The following OPCML variants were observed in gnomAD, a reference collection of about 807,000 sequenced individuals.
OPCML encodes opioid binding protein/cell adhesion molecule like.
A neutral mutation model predicts 37.8 loss-of-function variants in OPCML; 13 were observed. The ratio of observed to expected loss-of-function variants is 0.34; its 90% CI spans 0.22 to 0.55. The LOEUF (loss-of-function observed/expected upper bound fraction) is 0.55. OPCML is among the 20% of genes least tolerant of loss of function. OPCML has a pLI of 0.91. For missense variants in OPCML, 341 were observed against 435.6 expected (o/e 0.78, Z 1.93); for synonymous variants, 176 against 168.8 (o/e 1.04, Z -0.33).
At chr11:132,892,457 C>T (rs184931651) in intron 2 of OPCML, among the ~76,000 whole-genome samples, 5 of 152,146 alleles carry the variant, frequency 3.3e-5, no homozygotes, top group African/African-American at 1.2e-4. Context: ...GAGAGAGGCC[C>T]TTTCTCGCTT....
chr11:133,419,873 A>C (rs2136890591), intron 1 of OPCML, among the ~76,000 whole-genome samples: 1 of 152,366 alleles, frequency 6.6e-6, no homozygotes, highest in East Asian at 1.9e-4. Context: ...TCAGCAAAGA[A>C]GTTACTCAGT....
rs2095945439 is a variant in OPCML, at chr11:132,418,273, T to C, written c.*1920A>G. On this transcript the variant is annotated 3_prime_UTR_variant, in exon 8 of 8. Transcript: ENST00000524381. ...GGCAGGTCTGCGATTGATGCTGCAT[T>C]CTCATCCTCTCTGTGGATCAGTCCC... The C allele has an allele frequency of 6.6e-6, 1 of 152,192 alleles. No homozygotes were observed. Among genetic ancestry groups the C allele is most frequent in the Non-Finnish European group, 1.5e-5 (1 of 68,044 alleles). 9.4% of individuals were successfully genotyped at this position (152,192 alleles called of 1,614,324 possible).
At chr11:132,987,586 T>C (rs1188125497) in intron 1 of OPCML, among the ~76,000 whole-genome samples, 4 of 152,162 alleles carry the variant, frequency 2.6e-5, no homozygotes, top group Non-Finnish European at 4.4e-5. Flanking sequence ...ATCAGATTTG[T>C]GATTTCAAAT....
At chr11:133,075,134 C>T (rs1479674214) in intron 1 of OPCML, among the ~76,000 whole-genome samples, 2 of 152,138 alleles carry the variant, frequency 1.3e-5, no homozygotes, top group Admixed American at 6.5e-5. Flanking sequence ...AGACAAGGCT[C>T]ACCTCCTCCC....
chr11:132,467,603 A>C (rs1565586751), intron 4 of OPCML, among the ~76,000 whole-genome samples: 1 of 152,180 alleles, frequency 6.6e-6, no homozygotes, highest in Non-Finnish European at 1.5e-5. Context: ...GCTGTCATTT[A>C]AAAGGCTGGC....
At chr11:132,434,066 C>A (rs989366770) in intron 7 of OPCML, among the ~76,000 whole-genome samples, 1 of 152,140 alleles carries the variant, frequency 6.6e-6, no homozygotes. Context: ...CAGTCCTGTG[C>A]CCTTCTCTGC....
rs577817785 is a variant in OPCML, at chr11:132,616,310, G to A, written c.379+40777C>T. ...GGTTAAACTAATGCACACACTGTTA[G>A]TAAAATGTATAGCTGGCACTATTAA... is the stretch of plus-strand genomic sequence containing the variant. On this transcript the variant is annotated intron_variant, in intron 3 of 7. Coordinates refer to ENST00000524381, the MANE Select transcript of OPCML (RefSeq NM_001012393.5). Among the ~76,000 whole-genome samples the A allele has an allele frequency of 2.6e-5, 4 of 152,274 alleles. No individual in the cohort carries two copies. The East Asian group carries it at 7.7e-4, about 29-fold the overall frequency.
At chr11:132,704,858 T>G (rs1280694550) in intron 2 of OPCML, among the ~76,000 whole-genome samples, 2 of 152,250 alleles carry the variant, frequency 1.3e-5, no homozygotes, top group Non-Finnish European at 2.9e-5. Context: ...TAAGCCTTTA[T>G]AATTGACTTA....
chr11:133,180,814 G>A (rs1199771392), intron 1 of OPCML, among the ~76,000 whole-genome samples: 2 of 145,832 alleles, frequency 1.4e-5, no homozygotes, highest in Non-Finnish European at 3.0e-5. Flanking sequence ...CTAAGATTGT[G>A]GAGACAGCGA....
At chr11:133,175,116 A>T (rs1313416739) in intron 1 of OPCML, among the ~76,000 whole-genome samples, 1 of 152,200 alleles carries the variant, frequency 6.6e-6, no homozygotes, top group East Asian at 1.9e-4. Context: ...TTAGCCACAA[A>T]CTCAGTCACA....
At chr11:133,329,198 G>A (rs906036024) in intron 1 of OPCML, among the ~76,000 whole-genome samples, 1 of 152,174 alleles carries the variant, frequency 6.6e-6, no homozygotes, top group Non-Finnish European at 1.5e-5. Context: ...ACAAACAAAT[G>A]GAAGAACATT....
intron 2 of OPCML, among the ~76,000 whole-genome samples, chr11:132,823,860 C>A (rs1045763838): frequency 6.6e-6 from 1 of 152,152 alleles, no homozygotes; most frequent in Non-Finnish European, 1.5e-5. Context: ...AGCATTTACA[C>A]GGATGGCCAT....
intron 2 of OPCML, among the ~76,000 whole-genome samples, chr11:132,730,603 G>A (rs1945044637): frequency 1.3e-5 from 2 of 152,132 alleles, no homozygotes. Flanking sequence ...AATTCTCTGT[G>A]GAAGAGAGCA....
chr11:132,658,538 G>C (rs764293491), intron 2 of OPCML, among the ~76,000 whole-genome samples: 5 of 152,184 alleles, frequency 3.3e-5, no homozygotes, highest in Non-Finnish European at 7.3e-5. Flanking sequence ...GAAAGCACCT[G>C]ATCTAGGGCG....
At chr11:132,925,409 A>T (rs2136606227) in intron 2 of OPCML, among the ~76,000 whole-genome samples, 1 of 152,330 alleles carries the variant, frequency 6.6e-6, no homozygotes, top group East Asian at 1.9e-4. Flanking sequence ...GTGGGAAAAT[A>T]GTTTCTTTCA....
chr11:133,191,504 G>GTGT lies in OPCML; in HGVS notation c.62-248495_62-248494insACA, dbSNP rs1565494837. ...TATCTTTTTCTTTTCTGTGTGTGTG[G>GTGT]GTGTGTGTGTGTGTGTGTGTGTGTG... On this transcript the variant is annotated intron_variant, in intron 1 of 7. Coordinates refer to ENST00000524381, the MANE Select transcript of OPCML (RefSeq NM_001012393.5). 8.4e-3 allele frequency among the ~76,000 whole-genome samples: 1,200 copies of GTGT among 142,440 alleles called. 6 individuals are homozygous for GTGT. The highest frequency in any genetic ancestry group is 0.012 in the Middle Eastern group (3 of 256). 93.4% of individuals were successfully genotyped at this position (142,440 alleles called of 152,430 possible). A position where few individuals can be genotyped will look rare whatever the true frequency, so the allele number is the denominator to read the frequency against.
chr11:132,921,971 G>A (rs575068334), intron 2 of OPCML, among the ~76,000 whole-genome samples: 7 of 151,574 alleles, frequency 4.6e-5, no homozygotes, highest in South Asian at 4.2e-4. Context: ...CCTTCGCCTC[G>A]CAGGTTCAAG....
chr11:133,180,255 G>T (rs975230823), intron 1 of OPCML, among the ~76,000 whole-genome samples: 2 of 152,092 alleles, frequency 1.3e-5, no homozygotes, highest in Non-Finnish European at 2.9e-5. Flanking sequence ...TCACGTGTGC[G>T]TTCAGACCTG....
At chr11:132,862,752 C>G (rs985484872) in intron 2 of OPCML, among the ~76,000 whole-genome samples, 1 of 152,182 alleles carries the variant, frequency 6.6e-6, no homozygotes, top group Non-Finnish European at 1.5e-5. Context: ...CTTCCCTTGC[C>G]TCATCACTGT....
Sources: gnomAD v4.1 joint callset for allele counts (sites outside exome capture counted in the v4.1 genomes callset) on GRCh38, gnomAD v4.1.1 for gene constraint, MANE v1.5 for transcripts, NCBI Gene and HGNC (gene_info 2026-07-23, HGNC 2026-07-21) for gene names.